Variants in ZGRF1 observed in about 807,000 individuals in gnomAD.
ZGRF1 encodes 5'-3' DNA helicase ZGRF1.
A neutral mutation model predicts 203.5 loss-of-function variants in ZGRF1; 196 were observed. The observed-to-expected ratio is 0.96, with a 90% CI of 0.86 to 1.08. The LOEUF is 1.08. Ranked by LOEUF, ZGRF1 falls within the 50% of genes least tolerant of loss-of-function variation. The probability of loss-of-function intolerance (pLI) is 0.00; values close to 1 mark genes in which losing one functional copy is unlikely to be tolerated. For synonymous variants in ZGRF1, 809 were observed against 841.3 expected (o/e 0.96, Z 0.66); for missense variants, 2,326 against 2,416.3 (o/e 0.96, Z 0.78).
At chr4:112,609,476 A>C in intron 7 of ZGRF1, 47 bp from the exon 8 acceptor site, 1 of 1,079,226 alleles carries the variant, frequency 9.3e-7, no homozygotes, top group Non-Finnish European at 1.4e-6. Flanking sequence ...GGCAATAATA[A>C]TTTAGAAAAC....
intron 16 of ZGRF1, among the ~76,000 whole-genome samples, chr4:112,568,552 A>G (rs573831990): frequency 1.3e-5 from 2 of 151,398 alleles, no homozygotes; most frequent in Admixed American, 6.6e-5. Context: ...CTCTACTACA[A>G]ATAAAAAAAA....
intron 24 of ZGRF1, among the ~76,000 whole-genome samples, chr4:112,546,231 G>T (rs1378349865): frequency 6.6e-6 from 1 of 152,052 alleles, no homozygotes; most frequent in East Asian, 1.9e-4. Flanking sequence ...AAGCAGGCTG[G>T]TGTTTGCCAG....
At chr4:112,603,417 C>A in intron 10 of ZGRF1, 107 bp downstream of exon 10, 1 of 641,506 alleles carries the variant, frequency 1.6e-6, no homozygotes, top group Non-Finnish European at 2.5e-6. Flanking sequence ...ATTTACTGTA[C>A]TCCTTTTTAA....
chr4:112,632,699 T>C (rs140524501), intron 2 of ZGRF1, among the ~76,000 whole-genome samples: 95 of 152,346 alleles, frequency 6.2e-4, no homozygotes, highest in Admixed American at 2.1e-3. Flanking sequence ...CGTAAGACCC[T>C]ATATACACAA....
chr4:112,553,793 T>C lies in ZGRF1; in HGVS notation c.5346+42A>G, dbSNP rs775179487. 3.9e-6 allele frequency: 6 copies of C among 1,529,474 alleles called. No homozygotes were observed. In the African/African-American group the frequency reaches 5.6e-5, roughly 14 times the overall value. 94.7% of individuals were successfully genotyped at this position (1,529,474 alleles called of 1,614,324 possible). A position where few individuals can be genotyped will look rare whatever the true frequency, so the allele number is the denominator to read the frequency against. On this transcript the variant is annotated intron_variant, in intron 22 of 27. Transcript: ENST00000505019. ...AACAGAAATAAGAGAATCTGAATGG[T>C]ATATATAAATCAAGAAACAAATTGA...
intron 10 of ZGRF1, among the ~76,000 whole-genome samples, 196 bp downstream of exon 10, chr4:112,603,328 T>A (rs1427218826): frequency 6.6e-6 from 1 of 152,212 alleles, no homozygotes. Flanking sequence ...TCTGTTAAAC[T>A]CCCAATGTTA....
In ZGRF1 at chr4:112,620,164, A is replaced by G; in HGVS notation, c.189T>C (p.Ser63=). The change falls in exon 5 of 28, where the codon AGT becomes AGC. Residue 63 remains serine (S), a synonymous_variant. Coordinates refer to ENST00000505019, the MANE Select transcript of ZGRF1 (RefSeq NM_018392.5). The part of the protein sequence containing the change: ...LEVKPGDDLE[S]DRYLITVEEV... Reference sequence around the variant, plus strand: ...CTTCAACTGTGATTAAGTATCGATCACTTTCTAAGTCATCTCCAGGTTTCA... The same window carrying G: ...CTTCAACTGTGATTAAGTATCGATCGCTTTCTAAGTCATCTCCAGGTTTCA... 1.2e-6 allele frequency: 2 copies of G among 1,602,026 alleles called. No individual in the cohort carries two copies. Among genetic ancestry groups the G allele is most frequent in the African/African-American group, 1.3e-5 (1 of 74,432 alleles).
At chr4:112,562,750 C>A (rs1376046083) in intron 17 of ZGRF1, among the ~76,000 whole-genome samples, 1 of 152,168 alleles carries the variant, frequency 6.6e-6, no homozygotes, top group Non-Finnish European at 1.5e-5. Context: ...AACAAGAACA[C>A]CTGTTTTGAG....
Position 112,623,840 on chromosome 4 carries a change from T to C in ZGRF1, c.139A>G (p.Ser47Gly). 1 of 1,583,898 alleles carries C rather than the reference T, an allele frequency of 6.3e-7. No individual in the cohort carries two copies. The highest frequency in any genetic ancestry group is 1.1e-5 in the South Asian group (1 of 88,052). Residue 47 changes from serine (S) to glycine (G), a missense_variant, in exon 4 of 28, where the codon AGT (serine) becomes GGT (glycine). Coordinates refer to ENST00000505019, the MANE Select transcript of ZGRF1 (RefSeq NM_018392.5). ...LYDDKGACLE[S>G]LFLKCLEVKP... Reference sequence around the variant, plus strand: ...ACCTCAAGGCATTTAAGAAACAGACTCTCCAAACATGCTCCTTTGTCATCA... The same window carrying C: ...ACCTCAAGGCATTTAAGAAACAGACCCTCCAAACATGCTCCTTTGTCATCA...
At chr4:112,624,059 G>C (rs2047148797) in intron 3 of ZGRF1, 183 bp from the exon 4 acceptor site, 4 of 461,978 alleles carry the variant, frequency 8.7e-6, no homozygotes, top group South Asian at 4.0e-5. Context: ...CTGTTTAAGA[G>C]AGTAAAGGCA....
At chr4:112,628,021 A>G (rs753488658) in intron 3 of ZGRF1, among the ~76,000 whole-genome samples, 3 of 152,196 alleles carry the variant, frequency 2.0e-5, no homozygotes, top group Admixed American at 6.5e-5. Flanking sequence ...TTGTTTACAA[A>G]ACAGAACAAA....
At chr4:112,576,324 G>C (rs556188246) in intron 16 of ZGRF1, among the ~76,000 whole-genome samples, 15 of 152,218 alleles carry the variant, frequency 9.9e-5, no homozygotes, top group African/African-American at 3.6e-4. Flanking sequence ...CACAAAGATG[G>C]GGAAAAAACA....
At chr4:112,549,887 C>T (rs569854579) in intron 22 of ZGRF1, among the ~76,000 whole-genome samples, 1 of 152,118 alleles carries the variant, frequency 6.6e-6, no homozygotes, top group African/African-American at 2.4e-5. Flanking sequence ...TCCTAGTGCC[C>T]CTAAAAATTT....
chr4:112,545,546 C>T (rs114072780), intron 24 of ZGRF1, among the ~76,000 whole-genome samples: 202 of 152,214 alleles, frequency 1.3e-3, no homozygotes, highest in African/African-American at 4.5e-3. Context: ...AGTAAAATGA[C>T]GCCGCTGCTA....
At chr4:112,553,582 A>T (rs1026401654) in intron 22 of ZGRF1, among the ~76,000 whole-genome samples, 6 of 152,234 alleles carry the variant, frequency 3.9e-5, no homozygotes, top group African/African-American at 1.4e-4. Flanking sequence ...GAAAGTAAAC[A>T]GGGAGAAGGA....
At chr4:112,552,511 T>C (rs1474257893) in intron 22 of ZGRF1, among the ~76,000 whole-genome samples, 4 of 152,130 alleles carry the variant, frequency 2.6e-5, no homozygotes, top group African/African-American at 9.7e-5. Context: ...CATTGTTACG[T>C]TGGGTGAGTA....
intron 4 of ZGRF1, among the ~76,000 whole-genome samples, chr4:112,621,438 T>C (rs2047055444): frequency 6.6e-6 from 1 of 151,890 alleles, no homozygotes; most frequent in South Asian, 2.1e-4. Context: ...TCACCTGAGG[T>C]TGGGAGTTTG....
Position 112,601,170 on chromosome 4 carries a change from G to C in ZGRF1, c.2976+2354C>G, listed in dbSNP as rs114676761. 7.0e-3 allele frequency among the ~76,000 whole-genome samples: 1,067 copies of C among 151,890 alleles called. 16 individuals carry two copies. Among genetic ancestry groups the C allele is most frequent in the African/African-American group, 0.024 (982 of 41,410 alleles). ...TCACACCTATAATCCCAACACTTTGGGGGGCTGAGGCAGGAAGATCGTTTG... is the reference window on the plus strand; with the variant it reads ...TCACACCTATAATCCCAACACTTTGCGGGGCTGAGGCAGGAAGATCGTTTG... On this transcript the variant is annotated intron_variant, in intron 10 of 27. Coordinates refer to ENST00000505019, the MANE Select transcript of ZGRF1 (RefSeq NM_018392.5).
intron 10 of ZGRF1, among the ~76,000 whole-genome samples, chr4:112,592,521 T>C (rs926402713): frequency 6.6e-5 from 10 of 152,230 alleles, no homozygotes; most frequent in African/African-American, 9.6e-5. Context: ...CCTCATTTTA[T>C]TGGATGTCTC....
Sources: allele counts gnomAD v4.1 joint callset (sites outside exome capture counted in the v4.1 genomes callset), GRCh38; gene constraint gnomAD v4.1.1; transcripts MANE v1.5; gene names NCBI Gene and HGNC (gene_info 2026-07-23, HGNC 2026-07-21).